Variants in GRIN2B observed in about 807,000 individuals in gnomAD.
The protein encoded by GRIN2B is glutamate ionotropic receptor NMDA type subunit 2B.
A neutral mutation model predicts 114.5 loss-of-function variants in GRIN2B; 5 were observed. The ratio of observed to expected loss-of-function variants is 0.04; its 90% CI spans 0.02 to 0.09. The LOEUF (loss-of-function observed/expected upper bound fraction) is 0.09. GRIN2B is among the 10% of genes least tolerant of loss of function. The pLI is 1.00. For synonymous variants in GRIN2B, 787 were observed against 745.1 expected (o/e 1.06, Z -0.92); for missense variants, 1,108 against 1,943.5 (o/e 0.57, Z 8.08).
Position 13,569,606 on chromosome 12 carries a change from T to G in GRIN2B, c.2359+224A>C, listed in dbSNP as rs2270358. 0.11 allele frequency among the ~76,000 whole-genome samples: 16,231 copies of G among 152,250 alleles called. 1,404 individuals are homozygous for G. The highest frequency in any genetic ancestry group is 0.23 in the African/African-American group (9,652 of 41,506). On this transcript the variant is annotated intron_variant, in intron 12 of 13. Coordinates refer to ENST00000609686, the MANE Select transcript of GRIN2B (RefSeq NM_000834.5). Reference sequence around the variant, plus strand: ...ACTGTGATTTCAGACGTCTAGTCTCTGGAAATGTGAGACAAGACATTTCTG... The same window carrying G: ...ACTGTGATTTCAGACGTCTAGTCTCGGGAAATGTGAGACAAGACATTTCTG...
At position 13,562,654 on chromosome 12, in the gene GRIN2B, A is replaced by G; in HGVS notation, c.*129T>C. 1.2e-6 allele frequency: 1 copy of G among 830,674 alleles called. No individual in the cohort carries two copies. The highest frequency in any genetic ancestry group is 2.1e-6 in the Non-Finnish European group (1 of 485,576). The allele number at this position is 830,674 out of a possible 1,614,324, so 51.5% of individuals were successfully genotyped here. A position where few individuals can be genotyped will look rare whatever the true frequency, so the allele number is the denominator to read the frequency against. ...GTAGGAACCAGAACTCCAGGATCCC[A>G]TAAATAAATTAAAACAAGAAAGGAG... On this transcript the variant is annotated 3_prime_UTR_variant, in exon 14 of 14. Transcript: ENST00000609686.
At chr12:13,900,840 G>C (rs1866436884) in intron 2 of GRIN2B, among the ~76,000 whole-genome samples, 1 of 151,940 alleles carries the variant, frequency 6.6e-6, no homozygotes, top group African/African-American at 2.4e-5. Flanking sequence ...TCTGAGATTT[G>C]GCCATGTTGT....
rs753797364 is a variant in GRIN2B at position 13,563,536 on chromosome 12, C to T, written c.3702G>A (p.Ser1234=). 3 of 1,614,102 alleles carry T rather than the reference C, an allele frequency of 1.9e-6. No homozygotes were observed. Among genetic ancestry groups the T allele is most frequent in the Non-Finnish European group, 2.5e-6 (3 of 1,180,028 alleles). The change falls in exon 14 of 14, where the codon TCG becomes TCA. Residue 1234 remains serine (S), a synonymous_variant. Transcript: ENST00000609686. The part of the protein sequence containing the change: ...NYSTTVTGQN[S]GRQACIRCEA... Reference sequence around the variant, plus strand: ...CACACCGGATGCACGCCTGCCTGCCCGAGTTCTGACCCGTCACCGTCGTGG... The same window carrying T: ...CACACCGGATGCACGCCTGCCTGCCTGAGTTCTGACCCGTCACCGTCGTGG...
At chr12:13,977,851 C>A (rs1392841748) in intron 2 of GRIN2B, among the ~76,000 whole-genome samples, 1 of 152,148 alleles carries the variant, frequency 6.6e-6, no homozygotes. Context: ...CTTAACAAGC[C>A]TCTTCCAGTT....
chr12:13,947,506 T>A (rs940622859), intron 2 of GRIN2B, among the ~76,000 whole-genome samples: 11 of 152,018 alleles, frequency 7.2e-5, no homozygotes, highest in Admixed American at 6.6e-4. Context: ...ATGTGGCCCA[T>A]AAAGGGAAAA....
At chr12:13,911,180 G>A (rs968097645) in intron 2 of GRIN2B, among the ~76,000 whole-genome samples, 1 of 151,602 alleles carries the variant, frequency 6.6e-6, no homozygotes, top group South Asian at 2.1e-4. Context: ...TTTGTATCTC[G>A]AACATTTAGC....
chr12:13,814,040 A>G (rs908822794), intron 3 of GRIN2B, among the ~76,000 whole-genome samples: 6 of 152,230 alleles, frequency 3.9e-5, no homozygotes, highest in Non-Finnish European at 7.3e-5. Context: ...AGGATTCCCA[A>G]AACTGATTCC....
chr12:13,724,954 A>G (rs2268120), intron 4 of GRIN2B, among the ~76,000 whole-genome samples: 12,470 of 152,206 alleles, frequency 0.082, 654 homozygotes, highest in East Asian at 0.2. Flanking sequence ...GCAGGTCCCC[A>G]GCAGATAATT....
chr12:13,637,108 T>C (rs1334155469), intron 5 of GRIN2B, among the ~76,000 whole-genome samples: 1 of 152,114 alleles, frequency 6.6e-6, no homozygotes, highest in African/African-American at 2.4e-5. Context: ...AAACTGATGA[T>C]ACAAATTTGA....
chr12:13,669,036 TAGGG>T (rs1950001127), intron 5 of GRIN2B, among the ~76,000 whole-genome samples: 1 of 144,464 alleles, frequency 6.9e-6, no homozygotes, highest in African/African-American at 2.6e-5. Flanking sequence ...GGTGGGGAGA[TAGGG>T]AGGATAAGCC....
At chr12:13,782,153 C>T (rs1450318699) in intron 3 of GRIN2B, among the ~76,000 whole-genome samples, 1 of 152,224 alleles carries the variant, frequency 6.6e-6, no homozygotes, top group East Asian at 1.9e-4. Flanking sequence ...ATGTTATAGG[C>T]TTCACTTTTT....
intron 4 of GRIN2B, among the ~76,000 whole-genome samples, chr12:13,741,799 A>T (rs1025207951): frequency 1.3e-5 from 2 of 152,040 alleles, no homozygotes; most frequent in African/African-American, 4.8e-5. Context: ...TACCTGCCTC[A>T]GCCTCCCAAA....
chr12:13,836,963 C>G (rs1282138496), intron 3 of GRIN2B, among the ~76,000 whole-genome samples: 1 of 152,226 alleles, frequency 6.6e-6, no homozygotes, highest in Non-Finnish European at 1.5e-5. Context: ...ATAATAGAAG[C>G]AGATGGGTGC....
At chr12:13,682,349 G>GTTCTT (rs10623346) in intron 4 of GRIN2B, among the ~76,000 whole-genome samples, 73,276 of 151,464 alleles carry the variant, frequency 0.48, 18,047 homozygotes, top group Middle Eastern at 0.58. Flanking sequence ...TTCCTAAGCT[G>GTTCTT]TTCTTTTAGG....
intron 2 of GRIN2B, among the ~76,000 whole-genome samples, chr12:13,978,052 A>G (rs976575855): frequency 2.6e-5 from 4 of 152,076 alleles, no homozygotes; most frequent in African/African-American, 9.7e-5. Flanking sequence ...CAAACCCATC[A>G]CCAACAAACG....
chr12:13,908,263 T>C (rs1202270587), intron 2 of GRIN2B, among the ~76,000 whole-genome samples: 1 of 151,816 alleles, frequency 6.6e-6, no homozygotes, highest in Non-Finnish European at 1.5e-5. Flanking sequence ...AAAGAACATA[T>C]AGTGCTCAGT....
At chr12:13,835,771 TAAAAAAAA>T (rs1165005583) in intron 3 of GRIN2B, among the ~76,000 whole-genome samples, 3 of 91,484 alleles carry the variant, frequency 3.3e-5, no homozygotes, top group Admixed American at 1.3e-4. Flanking sequence ...CATAGCACAT[TAAAAAAAA>T]AAAAAAAAAA....
chr12:13,787,610 C>T (rs1415131978), intron 3 of GRIN2B, among the ~76,000 whole-genome samples: 1 of 152,172 alleles, frequency 6.6e-6, no homozygotes, highest in East Asian at 1.9e-4. Context: ...TTTAAGTGTT[C>T]AGAAAATATG....
intron 4 of GRIN2B, among the ~76,000 whole-genome samples, chr12:13,750,248 G>A (rs1158904748): frequency 6.6e-6 from 1 of 152,154 alleles, no homozygotes; most frequent in East Asian, 1.9e-4. Context: ...GGGCCTCTAG[G>A]ACTGAGTAGG....
Sources: allele counts gnomAD v4.1 joint callset (sites outside exome capture counted in the v4.1 genomes callset), GRCh38; gene constraint gnomAD v4.1.1; transcripts MANE v1.5; gene names NCBI Gene and HGNC (gene_info 2026-07-23, HGNC 2026-07-21).